The following MAF variants were observed in gnomAD, a reference collection of about 807,000 sequenced individuals.
MAF encodes the protein MAF bZIP transcription factor.
A neutral mutation model predicts 22.0 loss-of-function variants in MAF; 10 were observed. The ratio of observed to expected loss-of-function variants is 0.45; its 90% CI spans 0.28 to 0.77. The LOEUF (loss-of-function observed/expected upper bound fraction) is 0.77, where lower values mean the gene tolerates loss of function less well. Ranked by LOEUF, MAF falls within the 30% of genes least tolerant of loss-of-function variation. The probability of loss-of-function intolerance (pLI) is 0.12; values close to 1 mark genes in which losing one functional copy is unlikely to be tolerated. For missense variants in MAF, 544 were observed against 548.4 expected (o/e 0.99, Z 0.08); for synonymous variants, 337 against 255.8 (o/e 1.32, Z -3.03).
the MAF span, among the ~76,000 whole-genome samples, chr16:79,215,938 C>T: frequency 3.3e-5 from 5 of 152,142 alleles, no homozygotes; most frequent in Admixed American, 6.5e-5. Flanking sequence ...CTCCCTGAAC[C>T]CACTCAGTCA....
chr16:79,420,407 G>C, the MAF span, among the ~76,000 whole-genome samples: 5 of 152,094 alleles, frequency 3.3e-5, no homozygotes, highest in Non-Finnish European at 2.9e-5. Flanking sequence ...CCCTTCCCAC[G>C]CCAAAAAAAC....
the MAF span, among the ~76,000 whole-genome samples, chr16:79,553,102 G>C: frequency 1.3e-5 from 2 of 152,360 alleles, no homozygotes; most frequent in East Asian, 3.9e-4. Context: ...CAACTTGGCA[G>C]AGTTGAGAGG....
the MAF span, among the ~76,000 whole-genome samples, chr16:79,502,145 C>A: frequency 6.6e-6 from 1 of 152,126 alleles, no homozygotes; most frequent in Non-Finnish European, 1.5e-5. Flanking sequence ...AGCCCCTTGT[C>A]GTGACAGCCA....
the MAF span, among the ~76,000 whole-genome samples, chr16:79,339,673 T>G: frequency 1.3e-5 from 2 of 152,228 alleles, no homozygotes; most frequent in Admixed American, 6.5e-5. Flanking sequence ...TATTTGTTAT[T>G]CCTTGTTTGT....
At chr16:79,264,592 C>T in the MAF span, 1 of 152,140 alleles carries the variant, frequency 6.6e-6, no homozygotes, top group Middle Eastern at 3.1e-3. Context: ...TGAGCTCTAT[C>T]CTCTCTCAAA....
At chr16:79,332,978 C>T in the MAF span, among the ~76,000 whole-genome samples, 8 of 152,220 alleles carry the variant, frequency 5.3e-5, no homozygotes, top group Non-Finnish European at 1.2e-4. Context: ...CCAGCTCACC[C>T]CCTGTCTCCG....
At chr16:79,587,832 G>C (rs1912940515) in intron 1 of MAF, among the ~76,000 whole-genome samples, 1 of 147,656 alleles carries the variant, frequency 6.8e-6, no homozygotes. Context: ...TGGCCATCTG[G>C]GGAAACCACC....
the MAF span, among the ~76,000 whole-genome samples, chr16:79,540,414 C>G: frequency 6.6e-6 from 1 of 152,164 alleles, no homozygotes; most frequent in Non-Finnish European, 1.5e-5. Context: ...AACGCTTCAA[C>G]CACTCAGCCT....
chr16:79,272,821 C>A, the MAF span, among the ~76,000 whole-genome samples: 1 of 152,290 alleles, frequency 6.6e-6, no homozygotes, highest in African/African-American at 2.4e-5. Context: ...CTGTCCTCCA[C>A]GTTGACCTGA....
chr16:79,295,003 T>C, the MAF span, among the ~76,000 whole-genome samples: 1 of 145,016 alleles, frequency 6.9e-6, no homozygotes, highest in Non-Finnish European at 1.5e-5. Context: ...TACTTCCCCC[T>C]AGAGCAGGTT....
chr16:79,232,773 G>A, the MAF span, among the ~76,000 whole-genome samples: 1 of 151,424 alleles, frequency 6.6e-6, no homozygotes, highest in African/African-American at 2.4e-5. Context: ...TAATGCAGAA[G>A]TCCCTGAAAT....
chr16:79,546,829 T>C, the MAF span, among the ~76,000 whole-genome samples: 2 of 152,160 alleles, frequency 1.3e-5, no homozygotes, highest in Non-Finnish European at 2.9e-5. Context: ...CAATTATTAA[T>C]ATAATTATTG....
chr16:79,391,857 AAGAAGGAGGAGG>A, the MAF span, among the ~76,000 whole-genome samples: 1 of 139,952 alleles, frequency 7.1e-6, no homozygotes, highest in Admixed American at 7.0e-5. Context: ...AAAGAGAGAG[AAGAAGGAGGAGG>A]AGAAGGAGGA....
At chr16:79,482,471 G>A in the MAF span, among the ~76,000 whole-genome samples, 1 of 152,164 alleles carries the variant, frequency 6.6e-6, no homozygotes, top group Admixed American at 6.5e-5. Context: ...GCCAAGTGAT[G>A]CTATCAATTG....
At chr16:79,321,644 T>G in the MAF span, among the ~76,000 whole-genome samples, 1 of 117,780 alleles carries the variant, frequency 8.5e-6, no homozygotes, top group Non-Finnish European at 1.7e-5. Context: ...TTTTTCTTTT[T>G]CTTTTTTTTT....
downstream of MAF, among the ~76,000 whole-genome samples, chr16:79,581,957 G>A (rs1912547525): frequency 6.6e-6 from 1 of 152,146 alleles, no homozygotes; most frequent in African/African-American, 2.4e-5. Context: ...TTTGGTATTA[G>A]TTCCTATGTG....
chr16:79,390,412 G>C, the MAF span, among the ~76,000 whole-genome samples: 9 of 152,264 alleles, frequency 5.9e-5, no homozygotes, highest in East Asian at 1.7e-3. Context: ...ACCTCTAAAT[G>C]AAATGCCACC....
chr16:79,545,734 C>G, the MAF span, among the ~76,000 whole-genome samples: 1 of 151,880 alleles, frequency 6.6e-6, no homozygotes, highest in African/African-American at 2.4e-5. Flanking sequence ...ACGGTGGTTA[C>G]CAGAAGCCAG....
the MAF span, among the ~76,000 whole-genome samples, chr16:79,336,923 C>T: frequency 5.9e-5 from 9 of 152,124 alleles, no homozygotes; most frequent in East Asian, 1.9e-4. Flanking sequence ...GTGTACAAGA[C>T]GTTGTGAGAG....
Sources: gnomAD v4.1 joint callset for allele counts (sites outside exome capture counted in the v4.1 genomes callset) on GRCh38, gnomAD v4.1.1 for gene constraint, MANE v1.5 for transcripts, NCBI Gene and HGNC (gene_info 2026-07-23, HGNC 2026-07-21) for gene names.